The following PPARGC1A variants were observed in gnomAD, a reference collection of about 807,000 sequenced individuals.
PPARGC1A encodes peroxisome proliferator-activated receptor gamma coactivator 1-alpha.
In PPARGC1A, 25 loss-of-function variants were observed where a neutral mutation model predicts 88.7. That is an observed-to-expected ratio of 0.28 (90% CI 0.21 to 0.39). The LOEUF (loss-of-function observed/expected upper bound fraction) is 0.39. PPARGC1A is among the 10% of genes least tolerant of loss of function. The pLI is 1.00. For missense variants in PPARGC1A, 880 were observed against 968.7 expected, an observed-to-expected ratio of 0.91 and a Z score of 1.22; for synonymous variants, 363 against 355.6, an observed-to-expected ratio of 1.02 and a Z score of -0.24.
At chr4:24,051,207 A>AC in the PPARGC1A span, among the ~76,000 whole-genome samples, 1 of 151,244 alleles carries the variant, frequency 6.6e-6, no homozygotes, top group Non-Finnish European at 1.5e-5. Flanking sequence ...AAAAAAAAAA[A>AC]AAAAACCAAA....
the PPARGC1A span, among the ~76,000 whole-genome samples, chr4:24,011,441 C>A: frequency 1.3e-5 from 2 of 152,132 alleles, no homozygotes; most frequent in Admixed American, 1.3e-4. Flanking sequence ...GTTTATAGAA[C>A]TTTCACTCCT....
At chr4:24,221,369 G>T in the PPARGC1A span, among the ~76,000 whole-genome samples, 6 of 152,138 alleles carry the variant, frequency 3.9e-5, no homozygotes, top group East Asian at 1.2e-3. Flanking sequence ...ACGTACAATG[G>T]TATTATCTTC....
chr4:24,258,075 A>C, the PPARGC1A span: 3 of 335,922 alleles, frequency 8.9e-6, no homozygotes, highest in South Asian at 2.4e-4. Flanking sequence ...TGCCTCAAAG[A>C]AGTCAGATTA....
At chr4:24,244,097 A>T in the PPARGC1A span, among the ~76,000 whole-genome samples, 1 of 152,200 alleles carries the variant, frequency 6.6e-6, no homozygotes, top group Non-Finnish European at 1.5e-5. Flanking sequence ...TAATCCCACC[A>T]GGAAACTTTT....
chr4:24,376,328 G>A, the PPARGC1A span, among the ~76,000 whole-genome samples: 4 of 152,182 alleles, frequency 2.6e-5, no homozygotes, highest in African/African-American at 7.2e-5. Flanking sequence ...ATTCAGCCCT[G>A]TAGGGGGTGA....
the PPARGC1A span, among the ~76,000 whole-genome samples, chr4:24,194,669 C>CACACACACACACA: frequency 4.8e-3 from 193 of 40,230 alleles, 3 homozygotes; most frequent in Admixed American, 7.9e-3. Context: ...CACACACACA[C>CACACACACACACA]CCCCATCAAG....
chr4:24,373,220 G>A, the PPARGC1A span, among the ~76,000 whole-genome samples: 5 of 152,200 alleles, frequency 3.3e-5, no homozygotes, highest in African/African-American at 7.2e-5. Flanking sequence ...GGAAACAGTC[G>A]GGTCTGGCGA....
chr4:23,912,530 TA>T, the PPARGC1A span, among the ~76,000 whole-genome samples: 4 of 152,152 alleles, frequency 2.6e-5, no homozygotes, highest in Non-Finnish European at 5.9e-5. Flanking sequence ...TTAATATTTA[TA>T]ATCAATTGAT....
the PPARGC1A span, among the ~76,000 whole-genome samples, chr4:24,108,245 A>C: frequency 3.5e-4 from 54 of 152,198 alleles, no homozygotes; most frequent in Admixed American, 9.2e-4. Flanking sequence ...ATATGCTGAG[A>C]GTATCCAGAC....
the PPARGC1A span, among the ~76,000 whole-genome samples, chr4:24,134,096 C>T: frequency 6.5e-4 from 99 of 152,306 alleles, 1 homozygote; most frequent in African/African-American, 2.3e-3. Context: ...CTCCCAAACA[C>T]ATAAAAGGTG....
At chr4:24,288,495 G>C in the PPARGC1A span, among the ~76,000 whole-genome samples, 2 of 152,174 alleles carry the variant, frequency 1.3e-5, no homozygotes, top group South Asian at 2.1e-4. Context: ...AAGATGAAAG[G>C]CTCAAAATGA....
chr4:24,300,546 T>G, the PPARGC1A span, among the ~76,000 whole-genome samples: 1 of 151,992 alleles, frequency 6.6e-6, no homozygotes, highest in Non-Finnish European at 1.5e-5. Flanking sequence ...CTTTTTCACC[T>G]TTGGCAGTAA....
chr4:24,083,659 C>T, the PPARGC1A span, among the ~76,000 whole-genome samples: 2 of 152,146 alleles, frequency 1.3e-5, no homozygotes, highest in African/African-American at 2.4e-5. Context: ...AAGAAATATA[C>T]AGAACAGTTC....
chr4:23,829,367 C>T, intron 4 of PPARGC1A, 96 bp downstream of exon 4: 2 of 1,344,056 alleles, frequency 1.5e-6, no homozygotes, highest in South Asian at 1.4e-5. Flanking sequence ...CTTCGGGGTC[C>T]CAGCTGAATT....
chr4:24,333,937 CAACAAAAAAAAA>C, the PPARGC1A span, among the ~76,000 whole-genome samples: 1 of 10,370 alleles, frequency 9.6e-5, no homozygotes, highest in Non-Finnish European at 3.3e-4. Context: ...CCAACAACAA[CAACAAAAAAAAA>C]AAAAAAAAAA....
chr4:24,141,524 G>A, the PPARGC1A span, among the ~76,000 whole-genome samples: 1 of 152,234 alleles, frequency 6.6e-6, no homozygotes. Flanking sequence ...GTGGCTAGAG[G>A]TGGAGAACAT....
chr4:23,992,092 A>G, the PPARGC1A span, among the ~76,000 whole-genome samples: 1 of 151,992 alleles, frequency 6.6e-6, no homozygotes, highest in Non-Finnish European at 1.5e-5. Context: ...TGCATCAATT[A>G]CTGCATTTTC....
chr4:23,933,391 T>G, the PPARGC1A span, among the ~76,000 whole-genome samples: 1 of 152,208 alleles, frequency 6.6e-6, no homozygotes. Flanking sequence ...TTATTTTCAC[T>G]TTGCTTCCAG....
intron 2 of PPARGC1A, among the ~76,000 whole-genome samples, chr4:23,852,579 A>AT (rs528756298): frequency 6.6e-6 from 1 of 150,578 alleles, no homozygotes; most frequent in Non-Finnish European, 1.5e-5. Context: ...ACCCTCCCCC[A>AT]TTTTTCTACC....
Sources: gnomAD v4.1 joint callset for allele counts (sites outside exome capture counted in the v4.1 genomes callset) on GRCh38, gnomAD v4.1.1 for gene constraint, MANE v1.5 for transcripts, NCBI Gene and HGNC (gene_info 2026-07-23, HGNC 2026-07-21) for gene names.